COG1: variants seen among roughly 807,000 people sequenced by gnomAD.
COG1 encodes component of oligomeric golgi complex 1, also known as conserved oligomeric Golgi complex subunit 1.
A neutral mutation model predicts 102.2 loss-of-function variants in COG1; 61 were observed. That is an observed-to-expected ratio of 0.60 (90% CI 0.49 to 0.74). The LOEUF (loss-of-function observed/expected upper bound fraction) is 0.74, where lower values mean the gene tolerates loss of function less well. Among genes scored for constraint, COG1 ranks in the 30% least tolerant of loss-of-function variants. The probability of loss-of-function intolerance (pLI) is 0.00; values close to 1 mark genes in which losing one functional copy is unlikely to be tolerated. For synonymous variants in COG1, 454 were observed against 493.6 expected (o/e 0.92, Z 1.06); for missense variants, 1,164 against 1,232.1 (o/e 0.94, Z 0.83).
At chr17:73,197,956 C>T (rs1174298294) in intron 4 of COG1, among the ~76,000 whole-genome samples, 1 of 152,212 alleles carries the variant, frequency 6.6e-6, no homozygotes, top group African/African-American at 2.4e-5. Flanking sequence ...CCTCCTGGGA[C>T]CTTCCAGGCT....
At chr17:73,205,272 C>G in intron 9 of COG1, 1 of 426,922 alleles carries the variant, frequency 2.3e-6, no homozygotes, top group Non-Finnish European at 4.3e-6. Context: ...ACTTCTCCTT[C>G]AGGCAAGGAG....
At chr17:73,206,291 C>T (rs368280824) in intron 11 of COG1, 29 bp downstream of exon 11, 6 of 1,528,200 alleles carry the variant, frequency 3.9e-6, no homozygotes, top group African/African-American at 2.7e-5. Context: ...ATGCTTAGTG[C>T]GAACGAAGCG....
In COG1 at chr17:73,199,907, G is replaced by C; in HGVS notation, c.956G>C (p.Ser319Thr). Residue 319 changes from serine to threonine, a missense_variant, in exon 5 of 14, where the codon AGC (serine) becomes ACC (threonine). By Grantham distance (58) the Ser-to-Thr change is moderately conservative. Coordinates refer to ENST00000299886, the MANE Select transcript of COG1 (RefSeq NM_018714.3). Reference protein sequence around the residue: ...GVLQEEMKLCSWFKHLPASIV... With the variant: ...GVLQEEMKLCTWFKHLPASIV... The stretch of plus-strand genomic sequence containing the variant: ...CTGCAGGAAGAGATGAAACTCTGCA[G>C]CTGGTTTAAACACCTGCCAGCATCC... 6.2e-7 allele frequency: 1 copy of C among 1,614,196 alleles called. No homozygotes were observed. Among genetic ancestry groups the C allele is most frequent in the South Asian group, 1.1e-5 (1 of 91,086 alleles).
Position 73,207,222 on chromosome 17 carries a change from C to T in COG1, c.2771C>T (p.Ala924Val). 1 of 1,613,798 alleles carries T rather than the reference C, an allele frequency of 6.2e-7. No individual in the cohort carries two copies. The highest frequency in any genetic ancestry group is 8.5e-7 in the Non-Finnish European group (1 of 1,179,980). ...LPLSMTSTRK[A>V]KSTRNIETKA... is the part of the protein sequence containing the mutation. Reference sequence around the variant, plus strand: ...CTGAGCATGACAAGCACTCGAAAGGCTAAATCAACCAGAAACATCGAAACA... The same window carrying T: ...CTGAGCATGACAAGCACTCGAAAGGTTAAATCAACCAGAAACATCGAAACA... Residue 924 changes from alanine to valine, a missense_variant, in exon 13 of 14, where the codon GCT becomes GTT. Ala to Val is a moderately conservative substitution (Grantham distance 64, BLOSUM62 0). Coordinates refer to ENST00000299886, the MANE Select transcript of COG1 (RefSeq NM_018714.3).
rs35060532 is a variant in COG1 at position 73,195,613 on chromosome 17, C to CAAAAA, written c.316-880_316-876dup. On this transcript the variant is annotated intron_variant, in intron 1 of 13. Coordinates refer to ENST00000299886, the MANE Select transcript of COG1 (RefSeq NM_018714.3). Reference sequence around the variant, plus strand: ...TGGGCAACAAAGTGAGATGCTGTCCCAAAAAAAAAAAAAAAAAAGGCTGGG... The same window carrying CAAAAA: ...TGGGCAACAAAGTGAGATGCTGTCCCAAAAAAAAAAAAAAAAAAAAAAAGGCTGGG... Among the ~76,000 whole-genome samples the CAAAAA allele has an allele frequency of 1.3e-4, 11 of 82,246 alleles. No homozygotes were observed. The East Asian group carries it at 4.3e-3, about 32-fold the overall frequency. 54.0% of individuals were successfully genotyped at this position (82,246 alleles called of 152,430 possible).
At position 73,193,354 on chromosome 17, in the gene COG1, G is replaced by A. The variant is rs753161614; in HGVS notation, c.285G>A (p.Ser95=). 4 of 1,502,034 alleles carry A rather than the reference G, an allele frequency of 2.7e-6. No individual in the cohort carries two copies. The allele number at this position is 1,502,034 out of a possible 1,614,324, so 93.0% of individuals were successfully genotyped here. A position where few individuals can be genotyped will look rare whatever the true frequency, so the allele number is the denominator to read the frequency against. The part of the protein sequence containing the change: ...QYCARLRQAG[S]AAPRPPRAQQ... ...GCGCCCGCCTCCGCCAGGCCGGCTCGGCCGCGCCCCGGCCACCGCGGGCCC... is the reference window on the plus strand; with the variant it reads ...GCGCCCGCCTCCGCCAGGCCGGCTCAGCCGCGCCCCGGCCACCGCGGGCCC... Residue 95 remains serine (S), a synonymous_variant, in exon 1 of 14, where the codon TCG becomes TCA. Transcript: ENST00000299886.
chr17:73,202,909 T>G, intron 7 of COG1, 91 bp from the exon 8 acceptor site: 1 of 1,387,372 alleles, frequency 7.2e-7, no homozygotes, highest in Non-Finnish European at 1.0e-6. Flanking sequence ...CTTCAGCAGC[T>G]TGAGCTGTTC....
rs147598221 is a variant in COG1, at chr17:73,203,715, A to G, written c.2304A>G (p.Thr768=). 1.6e-3 allele frequency: 2,523 copies of G among 1,614,220 alleles called. 4 individuals are homozygous for G. The highest frequency in any genetic ancestry group is 3.0e-3 in the Admixed American group (182 of 60,028). The change falls in exon 9 of 14, where the codon ACA becomes ACG. Residue 768 remains threonine (T), a synonymous_variant. Coordinates refer to ENST00000299886, the MANE Select transcript of COG1 (RefSeq NM_018714.3). The part of the protein sequence containing the change: ...RVGGHALPKV[T]LQEMLKSCMV... Reference sequence around the variant, plus strand: ...GAGGCCATGCCTTGCCAAAGGTGACATTACAGGAGATGCTGAAAAGCTGTA... The same window carrying G: ...GAGGCCATGCCTTGCCAAAGGTGACGTTACAGGAGATGCTGAAAAGCTGTA...
At chr17:73,205,447 C>A in intron 9 of COG1, 106 bp from the exon 10 acceptor site, 1 of 1,211,762 alleles carries the variant, frequency 8.3e-7, no homozygotes, top group Non-Finnish European at 1.2e-6. Context: ...AAACCATCTG[C>A]TTCTGAAATA....
At position 73,199,905 on chromosome 17, in the gene COG1, C is replaced by A; in HGVS notation, c.954C>A (p.Cys318Ter). 1 of 1,614,210 alleles carries A rather than the reference C, an allele frequency of 6.2e-7. No individual in the cohort carries two copies. Among genetic ancestry groups the A allele is most frequent in the South Asian group, 1.1e-5 (1 of 91,086 alleles). The part of the protein sequence containing the change: ...TGVLQEEMKL[C>*]SWFKHLPASI... ...TCCTGCAGGAAGAGATGAAACTCTG[C>A]AGCTGGTTTAAACACCTGCCAGCAT... The change falls in exon 5 of 14, where the codon TGC becomes TGA. Residue 318 changes from cysteine (C) to a stop codon, truncating the protein, a stop_gained. Transcript: ENST00000299886. LOFTEE classifies it high-confidence loss of function.
At chr17:73,195,022 C>T (rs2061320120) in intron 1 of COG1, among the ~76,000 whole-genome samples, 1 of 152,168 alleles carries the variant, frequency 6.6e-6, no homozygotes, top group South Asian at 2.1e-4. Context: ...AAATGAGTGA[C>T]CTCATCCCTC....
chr17:73,201,897 GA>G lies in COG1; in HGVS notation c.2073del (p.Val692PhefsTer2), dbSNP rs1383405442. On this transcript the variant is annotated frameshift_variant and splice_region_variant, in exon 7 of 14. Coordinates refer to ENST00000299886, the MANE Select transcript of COG1 (RefSeq NM_018714.3). LOFTEE classifies it high-confidence loss of function. ...GYQVWSSAVVKVLIHGFTQSL... is the reference protein window; with the variant it reads ...GYQVWSSAVVXVLIHGFTQSL... ...ACCAGGTCTGGAGCAGTGCAGTTGT[GA>G]AAGTGAGTGATGTAATTTCTTATCC... 2.5e-6 allele frequency: 4 copies of G among 1,613,888 alleles called. No homozygotes were observed. Among genetic ancestry groups the G allele is most frequent in the Non-Finnish European group, 3.4e-6 (4 of 1,179,890 alleles).
chr17:73,198,990 G>T (rs2061335833), intron 4 of COG1, among the ~76,000 whole-genome samples: 1 of 152,176 alleles, frequency 6.6e-6, no homozygotes, highest in Non-Finnish European at 1.5e-5. Context: ...TTCCCTCAAG[G>T]TGCTTACATT....
intron 5 of COG1, 114 bp from the exon 6 acceptor site, chr17:73,200,452 T>C (rs960098759): frequency 1.7e-5 from 17 of 992,092 alleles, no homozygotes; most frequent in Non-Finnish European, 2.4e-5. Flanking sequence ...CACATAGATA[T>C]TTATCTACTG....
chr17:73,206,960 G>C (rs968654328), intron 12 of COG1, 143 bp downstream of exon 12: 1 of 733,532 alleles, frequency 1.4e-6, no homozygotes, highest in Non-Finnish European at 2.3e-6. Flanking sequence ...TGGCCTGGTG[G>C]CAGGTGCCTA....
intron 9 of COG1, among the ~76,000 whole-genome samples, chr17:73,204,451 G>C (rs1046558249): frequency 2.0e-5 from 3 of 152,154 alleles, no homozygotes; most frequent in Non-Finnish European, 4.4e-5. Flanking sequence ...GTGACACACA[G>C]AGGTGCTTAC....
In COG1 at chr17:73,196,606, C is replaced by A; in HGVS notation, c.415C>A (p.Gln139Lys). Residue 139 changes from glutamine to lysine, a missense_variant, in exon 2 of 14, where the codon CAG becomes AAG. Transcript: ENST00000299886. ...EKIWSSMEAS[Q>K]CLHATQLYLL... Reference sequence around the variant, plus strand: ...GATCTGGAGCTCGATGGAAGCCTCTCAGTGTCTCCACGCCACACAGCTCTA... The same window carrying A: ...GATCTGGAGCTCGATGGAAGCCTCTAAGTGTCTCCACGCCACACAGCTCTA... The A allele has an allele frequency of 1.2e-6, 2 of 1,614,218 alleles. No homozygotes were observed. The highest frequency in any genetic ancestry group is 4.5e-5 in the East Asian group (2 of 44,886).
Position 73,201,216 on chromosome 17 carries a change from G to A in COG1, c.1389G>A (p.Lys463=), listed in dbSNP as rs746636606. The A allele has an allele frequency of 1.9e-6, 3 of 1,614,128 alleles. No individual in the cohort carries two copies. In the South Asian group the frequency reaches 3.3e-5, roughly 18 times the overall value. Residue 463 remains lysine, a synonymous_variant, in exon 7 of 14, where the codon AAG becomes AAA. Coordinates refer to ENST00000299886, the MANE Select transcript of COG1 (RefSeq NM_018714.3). ...GCACCAGCAACTCCCCTTCAAATAA[G>A]CACATCCACTTTGAGTACAACATGT... ...ESSTSNSPSN[K]HIHFEYNMSL...
rs3751924 is a variant in COG1 at position 73,207,705 on chromosome 17, G to C, written c.2805+449G>C. 6.2e-6 allele frequency: 8 copies of C among 1,292,184 alleles called. No individual in the cohort carries two copies. The East Asian group carries it at 4.4e-4, about 71-fold the overall frequency. 80.0% of individuals were successfully genotyped at this position (1,292,184 alleles called of 1,614,324 possible). ...GTTAATACACGTTTCATTTCAGTAC[G>C]ATGCCAACTGTTAAGCCTGCAGGAA... On this transcript the variant is annotated intron_variant, in intron 13 of 13. Coordinates refer to ENST00000299886, the MANE Select transcript of COG1 (RefSeq NM_018714.3).
Sources: gnomAD v4.1 joint callset for allele counts (sites outside exome capture counted in the v4.1 genomes callset) on GRCh38, gnomAD v4.1.1 for gene constraint, MANE v1.5 for transcripts, NCBI Gene and HGNC (gene_info 2026-07-23, HGNC 2026-07-21) for gene names.